The following CNST variants were observed in gnomAD, a reference collection of about 807,000 sequenced individuals.
CNST encodes the protein consortin, connexin sorting protein.
Under a neutral mutation model 72.4 loss-of-function variants are expected in CNST, and 39 were observed. That is an observed-to-expected ratio of 0.54 (90% CI 0.42 to 0.70). The LOEUF (loss-of-function observed/expected upper bound fraction) is 0.70. CNST is among the 30% of genes least tolerant of loss of function. CNST has a pLI of 0.00. For missense variants in CNST, 871 were observed against 868.5 expected (o/e 1.00, Z -0.04); for synonymous variants, 332 against 320.1 (o/e 1.04, Z -0.40).
At chr1:246,624,327 T>C (rs1664280842) in intron 3 of CNST, among the ~76,000 whole-genome samples, 1 of 152,198 alleles carries the variant, frequency 6.6e-6, no homozygotes, top group Admixed American at 6.5e-5. Flanking sequence ...GAGAATACGG[T>C]GGTGGTTTAA....
At chr1:246,643,301 T>G (rs1469999900) in intron 8 of CNST, among the ~76,000 whole-genome samples, 2 of 152,352 alleles carry the variant, frequency 1.3e-5, no homozygotes, top group East Asian at 3.8e-4. Flanking sequence ...CCTACTAGAC[T>G]CTGTTCTTCC....
At chr1:246,618,130 C>T (rs184603370) in intron 2 of CNST, among the ~76,000 whole-genome samples, 19 of 152,282 alleles carry the variant, frequency 1.2e-4, no homozygotes, top group East Asian at 7.7e-4. Context: ...CTTCCATTAT[C>T]GTAAATAGTT....
intron 3 of CNST, among the ~76,000 whole-genome samples, chr1:246,630,636 T>C (rs1164300758): frequency 2.0e-5 from 3 of 152,254 alleles, no homozygotes; most frequent in Non-Finnish European, 2.9e-5. Flanking sequence ...ACAAGTACTT[T>C]AATTACTCTT....
intron 1 of CNST, among the ~76,000 whole-genome samples, chr1:246,567,056 C>A (rs902041143): frequency 2.1e-5 from 3 of 144,314 alleles, no homozygotes; most frequent in Admixed American, 1.4e-4. Flanking sequence ...CTGGTCCCCC[C>A]CATCACTACC....
intron 3 of CNST, among the ~76,000 whole-genome samples, chr1:246,628,040 GGA>G (rs1258290322): frequency 6.6e-6 from 1 of 152,070 alleles, no homozygotes; most frequent in African/African-American, 2.4e-5. Context: ...TGAAGAATTT[GGA>G]GTCTGATGGT....
chr1:246,662,147 A>G (rs914317915), intron 10 of CNST, among the ~76,000 whole-genome samples: 1 of 152,210 alleles, frequency 6.6e-6, no homozygotes. Context: ...GTATAAATTC[A>G]TTTTGAGAAT....
chr1:246,614,583 T>C (rs1277160404), intron 2 of CNST, among the ~76,000 whole-genome samples: 2 of 151,796 alleles, frequency 1.3e-5, no homozygotes, highest in Non-Finnish European at 2.9e-5. Context: ...GTGATTCTCC[T>C]GCCTCAGCCT....
At chr1:246,582,891 G>A (rs998709030) in intron 1 of CNST, among the ~76,000 whole-genome samples, 3 of 152,160 alleles carry the variant, frequency 2.0e-5, no homozygotes, top group African/African-American at 4.8e-5. Flanking sequence ...CCTCCAGACC[G>A]TGGCTGAAGA....
intron 9 of CNST, among the ~76,000 whole-genome samples, chr1:246,658,525 C>T (rs1215498163): frequency 6.6e-6 from 1 of 151,900 alleles, no homozygotes; most frequent in Admixed American, 6.6e-5. Context: ...GAAGCATAGT[C>T]AAAGACTATC....
At chr1:246,612,104 A>G (rs1342004746) in intron 2 of CNST, among the ~76,000 whole-genome samples, 1 of 152,246 alleles carries the variant, frequency 6.6e-6, no homozygotes, top group Non-Finnish European at 1.5e-5. Context: ...GCAAAGGGGA[A>G]TGAAGAATTA....
chr1:246,606,543 G>C (rs750207537), intron 2 of CNST: 1 of 152,160 alleles, frequency 6.6e-6, no homozygotes, highest in Non-Finnish European at 1.5e-5. Flanking sequence ...GTTGTCACAC[G>C]AGCATTTCCA....
chr1:246,647,153 C>G lies in CNST; in HGVS notation c.952C>G (p.Leu318Val). The G allele has an allele frequency of 6.2e-7, 1 of 1,610,154 alleles. No individual in the cohort carries two copies. Among genetic ancestry groups the G allele is most frequent in the Non-Finnish European group, 8.5e-7 (1 of 1,178,452 alleles). Reference protein sequence around the residue: ...TTKESESKTCLGTESSKESQH... With the variant: ...TTKESESKTCVGTESSKESQH... Reference sequence around the variant, plus strand: ...TTCATCTTTAGAGAGTAAAACTTGTCTCGGCACAGAGTCAAGTAAAGAAAG... The same window carrying G: ...TTCATCTTTAGAGAGTAAAACTTGTGTCGGCACAGAGTCAAGTAAAGAAAG... Residue 318 changes from leucine to valine, a missense_variant, in exon 9 of 11, where the codon CTC becomes GTC. By Grantham distance (32) the Leu-to-Val change is conservative. Transcript: ENST00000366513.
intron 2 of CNST, among the ~76,000 whole-genome samples, chr1:246,609,799 G>A (rs1663180978): frequency 6.6e-6 from 1 of 152,178 alleles, no homozygotes; most frequent in Admixed American, 6.5e-5. Context: ...GAGGAATTCG[G>A]TTATGCAATG....
chr1:246,577,804 A>T (rs1425269262), intron 1 of CNST, among the ~76,000 whole-genome samples: 1 of 152,050 alleles, frequency 6.6e-6, no homozygotes, highest in African/African-American at 2.4e-5. Flanking sequence ...AAAAGAACTA[A>T]AACAGTCTGT....
At position 246,661,458 on chromosome 1, in the gene CNST, G is replaced by A. The variant is rs139889929; in HGVS notation, c.1972+1124G>A. Among the ~76,000 whole-genome samples the A allele has an allele frequency of 1.6e-3, 242 of 152,266 alleles. 1 individual carries two copies. Among genetic ancestry groups the A allele is most frequent in the African/African-American group, 5.1e-3 (213 of 41,548 alleles). On this transcript the variant is annotated intron_variant, in intron 10 of 10. Transcript: ENST00000366513. Reference sequence around the variant, plus strand: ...GGACAATTAATACTCCTCCTTTATTGTGGAAAATATTTATGAATATTCTCT... The same window carrying A: ...GGACAATTAATACTCCTCCTTTATTATGGAAAATATTTATGAATATTCTCT...
intron 3 of CNST, among the ~76,000 whole-genome samples, chr1:246,624,898 C>T (rs1664316222): frequency 1.3e-5 from 2 of 152,204 alleles, no homozygotes; most frequent in African/African-American, 4.8e-5. Flanking sequence ...AGGTGATCCA[C>T]CCGCCTTGAC....
intron 2 of CNST, among the ~76,000 whole-genome samples, chr1:246,610,399 G>C (rs1558555684): frequency 6.6e-6 from 1 of 151,956 alleles, no homozygotes; most frequent in Non-Finnish European, 1.5e-5. Context: ...CTTCATCTAT[G>C]GTTTCTTTTA....
intron 2 of CNST, among the ~76,000 whole-genome samples, chr1:246,612,703 A>C (rs1423608203): frequency 1.3e-5 from 2 of 152,130 alleles, no homozygotes; most frequent in Non-Finnish European, 2.9e-5. Context: ...TCTGAGCAAC[A>C]TGGTGAAACC....
At chr1:246,571,542 A>G (rs1660070751) in intron 1 of CNST, among the ~76,000 whole-genome samples, 2 of 152,220 alleles carry the variant, frequency 1.3e-5, no homozygotes, top group African/African-American at 4.8e-5. Context: ...TCCGTCTCTT[A>G]GGACTTCCTG....
Sources: allele counts gnomAD v4.1 joint callset (sites outside exome capture counted in the v4.1 genomes callset), GRCh38; gene constraint gnomAD v4.1.1; transcripts MANE v1.5; gene names NCBI Gene and HGNC (gene_info 2026-07-23, HGNC 2026-07-21).